Variants in C8orf34 observed in about 807,000 individuals in gnomAD.
C8orf34 encodes the protein uncharacterized protein C8orf34.
C8orf34 carries 65 observed loss-of-function variants against 68.3 expected under a neutral mutation model. The ratio of observed to expected loss-of-function variants is 0.95; its 90% CI spans 0.78 to 1.17. The LOEUF is 1.17. Among genes scored for constraint, C8orf34 ranks in the 50% most tolerant of loss-of-function variants. The probability of loss-of-function intolerance (pLI) is 0.00; values close to 1 mark genes in which losing one functional copy is unlikely to be tolerated. For missense variants in C8orf34, 664 were observed against 655.4 expected (o/e 1.01, Z -0.14); for synonymous variants, 244 against 241.2 (o/e 1.01, Z -0.11).
chr8:68,478,458 C>T (rs1469030198), intron 4 of C8orf34, among the ~76,000 whole-genome samples: 1 of 152,210 alleles, frequency 6.6e-6, no homozygotes, highest in African/African-American at 2.4e-5. Flanking sequence ...TCTGAGCCCT[C>T]CAAACTGTTC....
At chr8:68,654,167 C>T (rs1477601266) in intron 8 of C8orf34, among the ~76,000 whole-genome samples, 1 of 152,132 alleles carries the variant, frequency 6.6e-6, no homozygotes. Context: ...CTTGCCCACC[C>T]TTCCATGTGA....
intron 8 of C8orf34, among the ~76,000 whole-genome samples, chr8:68,691,413 T>C (rs1349680419): frequency 6.6e-6 from 1 of 152,104 alleles, no homozygotes; most frequent in Non-Finnish European, 1.5e-5. Flanking sequence ...TGGAAAACAA[T>C]ACAATTTTTG....
rs570445626 is a variant in C8orf34 at position 68,649,457 on chromosome 8, C to G, written c.1241+8946C>G. 2.6e-5 allele frequency among the ~76,000 whole-genome samples: 4 copies of G among 152,260 alleles called. No homozygotes were observed. The South Asian group carries it at 6.2e-4, about 24-fold the overall frequency. On this transcript the variant is annotated intron_variant, in intron 8 of 13. Transcript: ENST00000518698. Reference sequence around the variant, plus strand: ...ATAAAACATATTAGAATGGCTACGTCATCCCAGATGTGATTGGTTGCAATT... The same window carrying G: ...ATAAAACATATTAGAATGGCTACGTGATCCCAGATGTGATTGGTTGCAATT...
intron 10 of C8orf34, among the ~76,000 whole-genome samples, chr8:68,738,016 A>G (rs971742470): frequency 2.6e-5 from 4 of 152,160 alleles, no homozygotes; most frequent in Admixed American, 2.6e-4. Flanking sequence ...CATTGATCAC[A>G]TAATCAGAAA....
chr8:68,451,385 A>G (rs1811338738), intron 3 of C8orf34, among the ~76,000 whole-genome samples: 1 of 152,114 alleles, frequency 6.6e-6, no homozygotes, highest in African/African-American at 2.4e-5. Context: ...ACTTGGCTAA[A>G]TGTTCGGCAC....
intron 8 of C8orf34, among the ~76,000 whole-genome samples, chr8:68,661,179 T>C (rs926173586): frequency 3.3e-5 from 5 of 152,182 alleles, no homozygotes; most frequent in Non-Finnish European, 7.3e-5. Flanking sequence ...GCGTGGTCAT[T>C]GGACGCAGCA....
At chr8:68,572,419 A>T (rs1035884945) in intron 7 of C8orf34, among the ~76,000 whole-genome samples, 7 of 151,922 alleles carry the variant, frequency 4.6e-5, no homozygotes, top group African/African-American at 1.7e-4. Context: ...TTCACACTCC[A>T]TGAATACATA....
chr8:68,802,870 T>C (rs982900766), intron 12 of C8orf34, among the ~76,000 whole-genome samples: 1 of 152,196 alleles, frequency 6.6e-6, no homozygotes, highest in Non-Finnish European at 1.5e-5. Context: ...CATGTATTAG[T>C]GATACATATT....
At chr8:68,715,361 A>G (rs1178361512) in intron 9 of C8orf34, among the ~76,000 whole-genome samples, 2 of 152,148 alleles carry the variant, frequency 1.3e-5, no homozygotes, top group African/African-American at 4.8e-5. Flanking sequence ...GAAATTCTTC[A>G]TAATCTATAC....
intron 11 of C8orf34, among the ~76,000 whole-genome samples, 165 bp from the exon 12 acceptor site, chr8:68,787,278 T>C (rs1456261680): frequency 6.6e-6 from 1 of 152,206 alleles, no homozygotes; most frequent in East Asian, 1.9e-4. Flanking sequence ...GTAGTATGTC[T>C]ATGACATGAA....
At chr8:68,787,396 T>C (rs749249502) in intron 11 of C8orf34, 47 bp from the exon 12 acceptor site, 6 of 1,328,730 alleles carry the variant, frequency 4.5e-6, no homozygotes, top group Admixed American at 1.8e-5. Context: ...TTAATGTTCA[T>C]GATATCAAAA....
Position 68,558,324 on chromosome 8 carries a change from T to G in C8orf34, c.1105+25175T>G, listed in dbSNP as rs528667552. Among the ~76,000 whole-genome samples, 11 of 152,146 alleles carry G rather than the reference T, an allele frequency of 7.2e-5. No homozygotes were observed. The East Asian group carries it at 1.9e-3, about 27-fold the overall frequency. On this transcript the variant is annotated intron_variant, in intron 7 of 13. Transcript: ENST00000518698. ...CTCATTTTAGGTTTTGAATCTAACT[T>G]TGATTACTAATCTTAAATAGAAATA...
intron 7 of C8orf34, among the ~76,000 whole-genome samples, chr8:68,638,121 G>C (rs1250240401): frequency 1.3e-5 from 2 of 152,262 alleles, no homozygotes; most frequent in African/African-American, 4.8e-5. Context: ...GGCAGAAGCT[G>C]TCTACTCTCT....
chr8:68,731,685 ACTAT>A (rs1427285286), intron 10 of C8orf34, among the ~76,000 whole-genome samples: 1 of 152,222 alleles, frequency 6.6e-6, no homozygotes, highest in South Asian at 2.1e-4. Context: ...CTTACATAAA[ACTAT>A]CTATTAGTCT....
At chr8:68,597,601 T>TGTGC (rs1563552205) in intron 7 of C8orf34, among the ~76,000 whole-genome samples, 2 of 144,314 alleles carry the variant, frequency 1.4e-5, no homozygotes, top group Non-Finnish European at 3.1e-5. Context: ...TGTGTGTGTG[T>TGTGC]GCACGGACGA....
intron 9 of C8orf34, among the ~76,000 whole-genome samples, chr8:68,717,386 G>C (rs1821505569): frequency 6.6e-6 from 1 of 151,978 alleles, no homozygotes; most frequent in Non-Finnish European, 1.5e-5. Flanking sequence ...CCAGCTACTC[G>C]GGAGGCTGAG....
At chr8:68,657,098 C>T (rs1308527603) in intron 8 of C8orf34, among the ~76,000 whole-genome samples, 3 of 152,102 alleles carry the variant, frequency 2.0e-5, no homozygotes, top group Non-Finnish European at 4.4e-5. Flanking sequence ...CTCATATGCC[C>T]TATGGTTTCC....
intron 7 of C8orf34, among the ~76,000 whole-genome samples, chr8:68,562,396 A>T (rs1371393856): frequency 6.6e-6 from 1 of 152,158 alleles, no homozygotes; most frequent in African/African-American, 2.4e-5. Flanking sequence ...TAAGTCTAAG[A>T]AGGGATTTAT....
chr8:68,364,798 G>C (rs1414263979), intron 1 of C8orf34, among the ~76,000 whole-genome samples: 36 of 150,156 alleles, frequency 2.4e-4, no homozygotes, highest in African/African-American at 8.6e-4. Flanking sequence ...AAGCAGGAAA[G>C]ATCCAAAATT....
Sources: gnomAD v4.1 joint callset for allele counts (sites outside exome capture counted in the v4.1 genomes callset) on GRCh38, gnomAD v4.1.1 for gene constraint, MANE v1.5 for transcripts, NCBI Gene and HGNC (gene_info 2026-07-23, HGNC 2026-07-21) for gene names.